Variants in BLTP1 observed in about 807,000 individuals in gnomAD.
The protein encoded by BLTP1 is fragile site-associated protein.
the BLTP1 span, chr4:122,281,663 A>G: frequency 1.4e-5 from 23 of 1,613,356 alleles, no homozygotes; most frequent in East Asian, 1.1e-4. Context: ...AAAGAAGCCT[A>G]TTGTTCTTAA....
chr4:122,251,676 T>TA, the BLTP1 span: 6 of 880,726 alleles, frequency 6.8e-6, no homozygotes, highest in African/African-American at 1.1e-4. Context: ...TCTCAGATCC[T>TA]ACTCTTCTTG....
chr4:122,180,010 A>C, the BLTP1 span: 8 of 975,478 alleles, frequency 8.2e-6, no homozygotes, highest in Non-Finnish European at 9.7e-6. Context: ...TCCATCTCTC[A>C]TATACACGTG....
chr4:122,244,958 C>T, the BLTP1 span: 261 of 1,567,510 alleles, frequency 1.7e-4, 1 homozygote, highest in South Asian at 2.8e-3. Context: ...GATATGTTTA[C>T]ATAAACTAAG....
chr4:122,265,782 T>C, the BLTP1 span, among the ~76,000 whole-genome samples: 7 of 151,966 alleles, frequency 4.6e-5, no homozygotes, highest in African/African-American at 7.3e-5. Flanking sequence ...CACTGCAAGC[T>C]CCACCTCCCG....
the BLTP1 span, chr4:122,170,339 A>G: frequency 2.2e-6 from 2 of 927,874 alleles, no homozygotes; most frequent in African/African-American, 3.6e-5. Flanking sequence ...GAATAATCAC[A>G]TTCCTGTTAT....
the BLTP1 span, chr4:122,304,947 T>A: frequency 5.6e-6 from 9 of 1,613,928 alleles, no homozygotes; most frequent in Non-Finnish European, 6.8e-6. Context: ...GCCAGGTGGA[T>A]TTAAATCTGG....
chr4:122,208,822 G>T, the BLTP1 span: 1 of 319,042 alleles, frequency 3.1e-6, no homozygotes, highest in Non-Finnish European at 4.5e-6. Flanking sequence ...CAAGATGGTT[G>T]CTTGAGGTCA....
At chr4:122,214,219 G>GA in the BLTP1 span, 1 of 970,898 alleles carries the variant, frequency 1.0e-6, no homozygotes, top group Non-Finnish European at 1.2e-6. Flanking sequence ...TTTTAGCTAG[G>GA]AAAAACATTG....
chr4:122,306,633 C>T, the BLTP1 span: 1 of 956,006 alleles, frequency 1.0e-6, no homozygotes, highest in East Asian at 1.2e-4. Flanking sequence ...TAGAACAGTC[C>T]CTGGCATACA....
the BLTP1 span, among the ~76,000 whole-genome samples, chr4:122,164,143 T>A: frequency 6.6e-6 from 1 of 152,200 alleles, no homozygotes; most frequent in Admixed American, 6.5e-5. Flanking sequence ...TACAAATATT[T>A]AAGAACCATA....
At chr4:122,227,037 TAAA>T in the BLTP1 span, 4 of 554,182 alleles carry the variant, frequency 7.2e-6, no homozygotes, top group Admixed American at 4.5e-5. Context: ...ACATACAAAT[TAAA>T]AAAGAAACAG....
the BLTP1 span, among the ~76,000 whole-genome samples, chr4:122,304,237 A>G: frequency 6.6e-6 from 1 of 152,120 alleles, no homozygotes; most frequent in South Asian, 2.1e-4. Flanking sequence ...TTTTTGAGAC[A>G]GAGTCTTGCT....
chr4:122,280,721 T>G, the BLTP1 span, among the ~76,000 whole-genome samples: 1 of 151,938 alleles, frequency 6.6e-6, no homozygotes, highest in Admixed American at 6.6e-5. Context: ...TTACGTTTTA[T>G]TTCCCACATC....
At chr4:122,188,286 A>G in the BLTP1 span, 3 of 583,474 alleles carry the variant, frequency 5.1e-6, no homozygotes, top group South Asian at 7.8e-5. Flanking sequence ...CTAATTTTAA[A>G]TATTTTTCTG....
At chr4:122,281,237 T>C in the BLTP1 span, 2 of 896,116 alleles carry the variant, frequency 2.2e-6, no homozygotes, top group African/African-American at 1.8e-5. Context: ...AGTTAAGTGA[T>C]AGAATTTGGA....
At chr4:122,281,060 C>A in the BLTP1 span, among the ~76,000 whole-genome samples, 375 of 152,146 alleles carry the variant, frequency 2.5e-3, 2 homozygotes, top group African/African-American at 8.8e-3. Flanking sequence ...AACGTGGAGA[C>A]AATAGTACCT....
the BLTP1 span, chr4:122,214,101 T>G: frequency 1.9e-6 from 1 of 514,608 alleles, no homozygotes; most frequent in Non-Finnish European, 2.5e-6. Context: ...AAACAGTACT[T>G]GTGGACTTTT....
chr4:122,300,918 CAAA>C, the BLTP1 span: 249 of 885,016 alleles, frequency 2.8e-4, no homozygotes, highest in South Asian at 3.2e-4. Context: ...ATTGCCCAGG[CAAA>C]AAAAAAAAAA....
chr4:122,330,289 T>C, the BLTP1 span, among the ~76,000 whole-genome samples: 4 of 151,962 alleles, frequency 2.6e-5, no homozygotes, highest in East Asian at 5.8e-4. Context: ...TGTAATCTCT[T>C]GAGGAATCTC....
Sources: gnomAD v4.1 joint callset for allele counts (sites outside exome capture counted in the v4.1 genomes callset) on GRCh38, gnomAD v4.1.1 for gene constraint, MANE v1.5 for transcripts, NCBI Gene and HGNC (gene_info 2026-07-23, HGNC 2026-07-21) for gene names.